NRG1: variants seen among roughly 807,000 people sequenced by gnomAD.
The protein encoded by NRG1 is pro-neuregulin-1, membrane-bound isoform.
A neutral mutation model predicts 63.8 loss-of-function variants in NRG1; 18 were observed. The ratio of observed to expected loss-of-function variants is 0.28; its 90% CI spans 0.19 to 0.42. The LOEUF is 0.42. NRG1 is among the 10% of genes least tolerant of loss of function. The pLI is 1.00. For synonymous variants in NRG1, 302 were observed against 301.3 expected (o/e 1.00, Z -0.02); for missense variants, 762 against 814.7 (o/e 0.94, Z 0.79).
In NRG1 at chr8:32,386,141, G is replaced by C. The variant is rs998319832; in HGVS notation, c.38-209687G>C. ...TTTAGAGACAGAGTCTCACTCTGTT[G>C]CTCAGGCTGGAATGCCGTGGTGCAG... On this transcript the variant is annotated intron_variant, in intron 1 of 10. Transcript: ENST00000519301. Among the ~76,000 whole-genome samples, 3 of 152,216 alleles carry C rather than the reference G, an allele frequency of 2.0e-5. No individual in the cohort carries two copies. The East Asian group carries it at 5.8e-4, about 30-fold the overall frequency.
chr8:32,317,769 A>G (rs1323582293), intron 1 of NRG1, among the ~76,000 whole-genome samples: 1 of 152,194 alleles, frequency 6.6e-6, no homozygotes, highest in Non-Finnish European at 1.5e-5. Context: ...ATGCTATTGA[A>G]ATGACAAATG....
At chr8:31,802,075 T>C (rs1586519684) in intron 1 of NRG1, among the ~76,000 whole-genome samples, 1 of 152,360 alleles carries the variant, frequency 6.6e-6, no homozygotes, top group East Asian at 1.9e-4. Context: ...TTTTATCACC[T>C]GTTGAAAGCT....
chr8:31,674,219 G>C (rs1203207269), intron 1 of NRG1, among the ~76,000 whole-genome samples: 1 of 152,084 alleles, frequency 6.6e-6, no homozygotes, highest in South Asian at 2.1e-4. Flanking sequence ...TGACTATTAT[G>C]GCTAGTGTGT....
At chr8:32,653,937 T>C (rs767941553) in intron 5 of NRG1, among the ~76,000 whole-genome samples, 6 of 151,970 alleles carry the variant, frequency 3.9e-5, no homozygotes, top group Admixed American at 2.0e-4. Context: ...TTTACTGCAG[T>C]GAATTTTATC....
intron 1 of NRG1, among the ~76,000 whole-genome samples, chr8:31,860,252 A>C (rs1828347877): frequency 6.6e-6 from 1 of 152,230 alleles, no homozygotes; most frequent in Non-Finnish European, 1.5e-5. Context: ...TGCTATTGTA[A>C]CAATGTCAGG....
chr8:32,046,525 T>G (rs1821027365), intron 1 of NRG1, among the ~76,000 whole-genome samples: 1 of 152,076 alleles, frequency 6.6e-6, no homozygotes, highest in Admixed American at 6.6e-5. Context: ...TTCATATTTG[T>G]CAAAAATTGA....
intron 1 of NRG1, among the ~76,000 whole-genome samples, chr8:32,005,382 T>C (rs1213503357): frequency 6.6e-6 from 1 of 151,998 alleles, no homozygotes; most frequent in East Asian, 1.9e-4. Flanking sequence ...ATGTGTCTTG[T>C]AGTACATAGA....
chr8:31,797,154 C>T (rs1026503936), intron 1 of NRG1, among the ~76,000 whole-genome samples: 1 of 152,158 alleles, frequency 6.6e-6, no homozygotes, highest in African/African-American at 2.4e-5. Context: ...TGTATTATCA[C>T]TCTCTTGAAA....
chr8:32,161,676 A>G (rs1053921331), intron 1 of NRG1, among the ~76,000 whole-genome samples: 2 of 152,138 alleles, frequency 1.3e-5, no homozygotes, highest in South Asian at 4.2e-4. Flanking sequence ...TTGTTGGTAT[A>G]AATTCCACTG....
At chr8:31,967,094 A>AGT (rs961777694) in intron 1 of NRG1, among the ~76,000 whole-genome samples, 2 of 152,146 alleles carry the variant, frequency 1.3e-5, no homozygotes, top group African/African-American at 4.8e-5. Flanking sequence ...GAGCCCTGGG[A>AGT]GTGTATTGAA....
chr8:31,958,706 A>G (rs1471104504), intron 1 of NRG1, among the ~76,000 whole-genome samples: 2 of 152,220 alleles, frequency 1.3e-5, no homozygotes, highest in African/African-American at 4.8e-5. Flanking sequence ...CTTTACTATT[A>G]CATAAGTTCT....
chr8:31,941,297 C>CACAT (rs1801711609), intron 1 of NRG1, among the ~76,000 whole-genome samples: 1 of 152,102 alleles, frequency 6.6e-6, no homozygotes, highest in Non-Finnish European at 1.5e-5. Flanking sequence ...AACCAGAAAT[C>CACAT]ACATGATTGT....
chr8:31,639,408 G>T, exon 1 of NRG1: 2 of 1,534,842 alleles, frequency 1.3e-6, no homozygotes. Flanking sequence ...GGGAAAGGAC[G>T]CGCGGGCCGA....
chr8:32,764,693 C>T (rs1410261202), exon 12 of NRG1: 1 of 226,728 alleles, frequency 4.4e-6, no homozygotes, highest in African/African-American at 2.3e-5. Context: ...TTCTGCAAAA[C>T]CTCTCATAGA....
chr8:32,242,506 C>T (rs1246582738), intron 1 of NRG1, among the ~76,000 whole-genome samples: 1 of 152,050 alleles, frequency 6.6e-6, no homozygotes, highest in African/African-American at 2.4e-5. Context: ...AATAAGAACA[C>T]GTCTAAAATA....
At chr8:31,709,740 G>A (rs2131244969) in intron 1 of NRG1, among the ~76,000 whole-genome samples, 1 of 152,024 alleles carries the variant, frequency 6.6e-6, no homozygotes, top group Admixed American at 6.5e-5. Context: ...TTGGCATAGA[G>A]CTGAATAAAA....
At chr8:32,112,808 G>T (rs1354638187) in intron 1 of NRG1, among the ~76,000 whole-genome samples, 3 of 152,058 alleles carry the variant, frequency 2.0e-5, no homozygotes, top group Non-Finnish European at 4.4e-5. Flanking sequence ...GGGATGAAAG[G>T]GACCCATGGA....
chr8:32,203,856 A>T (rs1256633042), intron 1 of NRG1, among the ~76,000 whole-genome samples: 1 of 152,166 alleles, frequency 6.6e-6, no homozygotes, highest in East Asian at 1.9e-4. Flanking sequence ...ATGATATCAG[A>T]GCTTGAACGT....
chr8:32,341,394 G>T (rs933287828), intron 1 of NRG1, among the ~76,000 whole-genome samples: 2 of 152,182 alleles, frequency 1.3e-5, no homozygotes, highest in African/African-American at 4.8e-5. Context: ...GTGAAGCACT[G>T]GTCAGCTCGT....
Sources: gnomAD v4.1 joint callset for allele counts (sites outside exome capture counted in the v4.1 genomes callset) on GRCh38, gnomAD v4.1.1 for gene constraint, MANE v1.5 for transcripts, NCBI Gene and HGNC (gene_info 2026-07-23, HGNC 2026-07-21) for gene names.